ABCC11: variants seen among roughly 807,000 people sequenced by gnomAD.
The protein encoded by ABCC11 is ATP-binding cassette sub-family C member 11.
Under a neutral mutation model 149.3 loss-of-function variants are expected in ABCC11, and 135 were observed. The observed-to-expected ratio is 0.90, with a 90% CI of 0.79 to 1.04. The LOEUF (loss-of-function observed/expected upper bound fraction) is 1.04, where lower values mean the gene tolerates loss of function less well. ABCC11 is among the 50% of genes least tolerant of loss of function. The pLI, the probability that ABCC11 is intolerant of heterozygous loss-of-function variation, is 0.00. For missense variants in ABCC11, 1,680 were observed against 1,722.1 expected (o/e 0.98, Z 0.43); for synonymous variants, 665 against 671.4 (o/e 0.99, Z 0.15).
chr16:48,199,495 A>G (rs1967741429), intron 15 of ABCC11, among the ~76,000 whole-genome samples: 2 of 152,168 alleles, frequency 1.3e-5, no homozygotes, highest in Admixed American at 1.3e-4. Flanking sequence ...CCAATGCCAT[A>G]GATGAAAATA....
At chr16:48,229,714 T>A (rs1970310337) in intron 3 of ABCC11, among the ~76,000 whole-genome samples, 1 of 152,130 alleles carries the variant, frequency 6.6e-6, no homozygotes, top group Admixed American at 6.5e-5. Context: ...TCCACCCGCC[T>A]CGGCCTCCCA....
At chr16:48,226,072 C>CATT (rs141311389) in intron 4 of ABCC11, among the ~76,000 whole-genome samples, 16 of 150,212 alleles carry the variant, frequency 1.1e-4, no homozygotes, top group Admixed American at 2.7e-4. Flanking sequence ...TTTCCAGGTA[C>CATT]ATTATTATTA....
chr16:48,175,197 G>C, intron 26 of ABCC11, 61 bp downstream of exon 26: 1 of 1,566,538 alleles, frequency 6.4e-7, no homozygotes, highest in Non-Finnish European at 8.7e-7. Context: ...AGGCAGCCCG[G>C]TGCTGGAATC....
intron 1 of ABCC11, among the ~76,000 whole-genome samples, chr16:48,246,418 G>T (rs1971390095): frequency 6.6e-6 from 1 of 152,114 alleles, no homozygotes; most frequent in Admixed American, 6.6e-5. Context: ...AGGCAAGAGT[G>T]GTCATTATTA....
chr16:48,189,353 G>C, intron 20 of ABCC11, among the ~76,000 whole-genome samples: 1 of 152,220 alleles, frequency 6.6e-6, no homozygotes, highest in East Asian at 1.9e-4. Flanking sequence ...TGGCGACAAA[G>C]GGAAAATGGT....
At chr16:48,229,201 C>T (rs367826991) in intron 3 of ABCC11, among the ~76,000 whole-genome samples, 3 of 152,004 alleles carry the variant, frequency 2.0e-5, no homozygotes, top group African/African-American at 7.2e-5. Flanking sequence ...GACCTATGAG[C>T]CAGTGCTAAT....
At chr16:48,186,185 A>C (rs988542069) in intron 22 of ABCC11, among the ~76,000 whole-genome samples, 7 of 152,068 alleles carry the variant, frequency 4.6e-5, no homozygotes, top group South Asian at 4.1e-4. Flanking sequence ...TATTCCAGCT[A>C]ACTGAGCACA....
At chr16:48,240,059 C>CTT (rs1462862068) in intron 1 of ABCC11, among the ~76,000 whole-genome samples, 1 of 152,196 alleles carries the variant, frequency 6.6e-6, no homozygotes, top group Non-Finnish European at 1.5e-5. Flanking sequence ...AAAAGGAATA[C>CTT]TTTTACACTG....
chr16:48,208,439 C>A lies in ABCC11; in HGVS notation c.1666G>T (p.Ala556Ser), dbSNP rs1276004788. ...AGATCACTTACCTCCTCCAGGATGGCTGACAACAGGCTGCTCTTACCACTC... is the reference window on the plus strand; with the variant it reads ...AGATCACTTACCTCCTCCAGGATGGATGACAACAGGCTGCTCTTACCACTC... Reference protein sequence around the residue: ...TGSGKSSLLSAILEEMHLLEG... With the variant: ...TGSGKSSLLSSILEEMHLLEG... Residue 556 changes from alanine to serine, a missense_variant, in exon 12 of 30, where the codon GCC becomes TCC. Ala to Ser is a moderately conservative substitution (Grantham distance 99). Transcript: ENST00000356608. 1 of 1,614,182 alleles carries A rather than the reference C, an allele frequency of 6.2e-7. No individual in the cohort carries two copies. Among genetic ancestry groups the A allele is most frequent in the East Asian group, 2.2e-5 (1 of 44,872 alleles).
chr16:48,196,358 T>C (rs1203176694), intron 17 of ABCC11, 37 bp from the exon 18 acceptor site: 2 of 1,588,424 alleles, frequency 1.3e-6, no homozygotes, highest in African/African-American at 2.7e-5. Context: ...GTGGTATGCC[T>C]GCCAATCACA....
chr16:48,175,518 GC>G, intron 25 of ABCC11, 101 bp from the exon 26 acceptor site: 1 of 1,370,498 alleles, frequency 7.3e-7, no homozygotes, highest in Non-Finnish European at 9.8e-7. Flanking sequence ...GCCCTCCGTG[GC>G]CCATTCTTCA....
chr16:48,187,478 CA>C, intron 20 of ABCC11, 51 bp from the exon 21 acceptor site: 2 of 1,481,044 alleles, frequency 1.4e-6, no homozygotes, highest in Non-Finnish European at 1.8e-6. Context: ...AGGCCCTGCT[CA>C]AGATTGGATG....
intron 27 of ABCC11, among the ~76,000 whole-genome samples, chr16:48,170,537 G>A (rs1427699372): frequency 6.6e-5 from 10 of 152,140 alleles, no homozygotes; most frequent in Non-Finnish European, 8.8e-5. Flanking sequence ...CTGCCCTGAC[G>A]TTTCTATGGG....
rs1967047356 is a variant in ABCC11, at chr16:48,192,815, G to T, written c.2509-98C>A. 6 of 1,268,162 alleles carry T rather than the reference G, an allele frequency of 4.7e-6. No individual in the cohort carries two copies. The South Asian group carries it at 7.8e-5, about 16-fold the overall frequency. The allele number at this position is 1,268,162 out of a possible 1,614,324, so 78.6% of individuals were successfully genotyped here. On this transcript the variant is annotated intron_variant, in intron 19 of 29. Transcript: ENST00000356608. ...GGGGCCACGTGAGAATCTGTGGCTG[G>T]TAGAAGGTGAAGCTGTTTGCCCAAA...
At chr16:48,178,099 C>T in intron 24 of ABCC11, among the ~76,000 whole-genome samples, 1 of 152,180 alleles carries the variant, frequency 6.6e-6, no homozygotes, top group East Asian at 1.9e-4. Context: ...CATGTTATAT[C>T]ATTTCAACTT....
chr16:48,247,177 T>A (rs1337748897), intron 1 of ABCC11, 137 bp downstream of exon 1: 1 of 152,294 alleles, frequency 6.6e-6, no homozygotes, highest in African/African-American at 2.4e-5. Flanking sequence ...TAGTTTCCAA[T>A]GTCTTTTTTT....
chr16:48,213,165 G>A (rs1969064106), intron 10 of ABCC11, among the ~76,000 whole-genome samples: 1 of 152,164 alleles, frequency 6.6e-6, no homozygotes, highest in African/African-American at 2.4e-5. Flanking sequence ...TATCTATTGG[G>A]GTAACTCTAT....
Position 48,166,679 on chromosome 16 carries a change from A to G in ABCC11, c.*595T>C, listed in dbSNP as rs368269295. ...GGATCACTTGAGATCAGCCTGGCCA[A>G]CATGGTGAAACCCCGCCTCTACTAA... is the stretch of plus-strand genomic sequence containing the variant. On this transcript the variant is annotated 3_prime_UTR_variant, in exon 30 of 30. Transcript: ENST00000356608. 7.0e-4 allele frequency among the ~76,000 whole-genome samples: 106 copies of G among 152,270 alleles called. 1 individual carries two copies. In the East Asian group the frequency reaches 0.018, roughly 26 times the overall value.
chr16:48,232,984 G>T (rs556591286), intron 1 of ABCC11, among the ~76,000 whole-genome samples: 2 of 152,290 alleles, frequency 1.3e-5, no homozygotes, highest in African/African-American at 4.8e-5. Flanking sequence ...AGGACTGCTT[G>T]AGCTCAGGAG....
Sources: allele counts gnomAD v4.1 joint callset (sites outside exome capture counted in the v4.1 genomes callset), GRCh38; gene constraint gnomAD v4.1.1; transcripts MANE v1.5; gene names NCBI Gene and HGNC (gene_info 2026-07-23, HGNC 2026-07-21).